The following CDH4 variants were observed in gnomAD, a reference collection of about 807,000 sequenced individuals.
CDH4 encodes cadherin-4.
Under a neutral mutation model 86.0 loss-of-function variants are expected in CDH4, and 33 were observed. The ratio of observed to expected loss-of-function variants is 0.38; its 90% CI spans 0.29 to 0.51. The LOEUF (loss-of-function observed/expected upper bound fraction) is 0.51. Ranked by LOEUF, CDH4 falls within the 20% of genes least tolerant of loss-of-function variation. The pLI is 0.86. For synonymous variants in CDH4, 555 were observed against 549.4 expected (o/e 1.01, Z -0.14); for missense variants, 1,114 against 1,307.4 (o/e 0.85, Z 2.28).
At chr20:61,433,713 C>T (rs1007332269) in intron 2 of CDH4, among the ~76,000 whole-genome samples, 3 of 152,104 alleles carry the variant, frequency 2.0e-5, no homozygotes, top group Non-Finnish European at 2.9e-5. Context: ...AGGCTCCCGT[C>T]GGTCCCTGAG....
chr20:61,502,753 T>C (rs1046667093), intron 2 of CDH4, among the ~76,000 whole-genome samples: 1 of 152,224 alleles, frequency 6.6e-6, no homozygotes, highest in Admixed American at 6.5e-5. Context: ...TTCTTTTTTG[T>C]TACTGGCAGA....
At chr20:61,456,029 G>A (rs2085405104) in intron 2 of CDH4, among the ~76,000 whole-genome samples, 1 of 151,730 alleles carries the variant, frequency 6.6e-6, no homozygotes, top group Admixed American at 6.6e-5. Context: ...AGAGAAGGAA[G>A]GATAGAAGGG....
At chr20:61,369,248 C>G (rs188218188) in intron 2 of CDH4, among the ~76,000 whole-genome samples, 2 of 151,722 alleles carry the variant, frequency 1.3e-5, no homozygotes, top group Non-Finnish European at 1.5e-5. Context: ...TTCAGGAGTT[C>G]GGGACCAGCC....
chr20:61,360,838 G>T (rs1304885956), intron 2 of CDH4, among the ~76,000 whole-genome samples: 1 of 152,158 alleles, frequency 6.6e-6, no homozygotes, highest in Non-Finnish European at 1.5e-5. Flanking sequence ...GTAACTAAGG[G>T]CTGTATACTT....
At chr20:61,783,971 CG>C (rs1978713533) in intron 4 of CDH4, among the ~76,000 whole-genome samples, 2 of 8,774 alleles carry the variant, frequency 2.3e-4, no homozygotes, top group Admixed American at 8.8e-4. Context: ...GGACAGTTCT[CG>C]AGGCCCTCAG....
In CDH4 at chr20:61,252,659, C is replaced by T. The variant is rs2084068949; in HGVS notation, c.57+89C>T. 2 of 764,080 alleles carry T rather than the reference C, an allele frequency of 2.6e-6. No homozygotes were observed. The highest frequency in any genetic ancestry group is 4.8e-5 in the Admixed American group (1 of 20,952). 47.3% of individuals were successfully genotyped at this position (764,080 alleles called of 1,614,324 possible). A position where few individuals can be genotyped will look rare whatever the true frequency, so the allele number is the denominator to read the frequency against. On this transcript the variant is annotated intron_variant, in intron 1 of 15. Coordinates refer to ENST00000614565, the MANE Select transcript of CDH4 (RefSeq NM_001794.5). The surrounding 1 kb of genome is among the most constrained non-coding windows in gnomAD (Gnocchi z 4.4). ...TCCCGCGGGGCGCTCACACACCCGG[C>T]GGGGCTCTCCCGGGCTCCCCCGCCG... is the stretch of plus-strand genomic sequence containing the variant.
intron 2 of CDH4, among the ~76,000 whole-genome samples, chr20:61,609,306 G>T (rs111991127): frequency 5.1e-4 from 77 of 152,296 alleles, no homozygotes; most frequent in African/African-American, 1.8e-3. Flanking sequence ...TCCTGTTGCA[G>T]AATCCCCTCC....
At chr20:61,839,856 GTGTT>G (rs1288003762) in intron 4 of CDH4, among the ~76,000 whole-genome samples, 5 of 151,794 alleles carry the variant, frequency 3.3e-5, no homozygotes, top group African/African-American at 7.2e-5. Flanking sequence ...ATGTGTATGT[GTGTT>G]TGTGTATTGT....
intron 2 of CDH4, among the ~76,000 whole-genome samples, chr20:61,514,877 C>G (rs1318674601): frequency 6.6e-6 from 1 of 152,168 alleles, no homozygotes; most frequent in Admixed American, 6.5e-5. Context: ...CTACAAAAGG[C>G]ACCTGGGCGG....
chr20:61,644,442 C>T (rs977682610), intron 2 of CDH4, among the ~76,000 whole-genome samples: 6 of 152,210 alleles, frequency 3.9e-5, no homozygotes, highest in African/African-American at 1.4e-4. Context: ...GCTCTACCAT[C>T]CTGCCTTGGC....
chr20:61,457,254 A>T (rs2085411917), intron 2 of CDH4, among the ~76,000 whole-genome samples: 1 of 152,188 alleles, frequency 6.6e-6, no homozygotes, highest in Non-Finnish European at 1.5e-5. Flanking sequence ...CAACATCCCC[A>T]GTCACTTTCT....
intron 2 of CDH4, among the ~76,000 whole-genome samples, chr20:61,583,701 T>C (rs992488011): frequency 2.0e-5 from 3 of 152,224 alleles, no homozygotes; most frequent in Admixed American, 6.5e-5. Context: ...TCGTTTAACA[T>C]GTAGGGGTTA....
chr20:61,404,866 C>T (rs1188988074), intron 2 of CDH4, among the ~76,000 whole-genome samples: 2 of 151,842 alleles, frequency 1.3e-5, no homozygotes, highest in South Asian at 4.2e-4. Flanking sequence ...CTGGCTAACA[C>T]GGTGAAACCC....
chr20:61,360,916 G>A (rs555380049), intron 2 of CDH4, among the ~76,000 whole-genome samples: 2 of 152,266 alleles, frequency 1.3e-5, no homozygotes, highest in South Asian at 2.1e-4. Flanking sequence ...CCATTTCCAC[G>A]GAGAGGCAAA....
chr20:61,677,772 T>TAGAC (rs2087460701), intron 2 of CDH4, among the ~76,000 whole-genome samples: 1 of 89,276 alleles, frequency 1.1e-5, no homozygotes, highest in African/African-American at 4.4e-5. Context: ...GATGGTTAGA[T>TAGAC]AGATGATGAA....
In CDH4 at chr20:61,754,703, CCACACACACCG is replaced by C. The variant is rs1441281996; in HGVS notation, c.396+10924_396+10934del. The stretch of plus-strand genomic sequence containing the variant: ...ATGCACACCACACACACAGTGCATG[CCACACACACCG>C]CACACACACTGCACGCCCCGCACAC... On this transcript the variant is annotated intron_variant, in intron 3 of 15. Coordinates refer to ENST00000614565, the MANE Select transcript of CDH4 (RefSeq NM_001794.5). The surrounding 1 kb of genome is among the most constrained non-coding windows in gnomAD (Gnocchi z 4.7). Among the ~76,000 whole-genome samples, 434 of 149,254 alleles carry C rather than the reference CCACACACACCG, an allele frequency of 2.9e-3. 7 individuals carry two copies. The highest frequency in any genetic ancestry group is 7.9e-4 in the Non-Finnish European group (53 of 67,238).
In CDH4 at chr20:61,681,567, G is replaced by T. The variant is rs769128352; in HGVS notation, c.170-61996G>T. Among the ~76,000 whole-genome samples, 2 of 152,138 alleles carry T rather than the reference G, an allele frequency of 1.3e-5. No homozygotes were observed. The highest frequency in any genetic ancestry group is 1.5e-5 in the Non-Finnish European group (1 of 68,028). ...TTAGCTCCCGAACTCTTGTTCCAAGGGGTAGGAGAAAAAGGGGGCATCATC... is the reference window on the plus strand; with the variant it reads ...TTAGCTCCCGAACTCTTGTTCCAAGTGGTAGGAGAAAAAGGGGGCATCATC... On this transcript the variant is annotated intron_variant, in intron 2 of 15. Coordinates refer to ENST00000614565, the MANE Select transcript of CDH4 (RefSeq NM_001794.5). This position sits in a 1 kb window ranked among gnomAD's most constrained non-coding sequence, Gnocchi z 4.5.
At chr20:61,812,934 A>G (rs1205876763) in intron 4 of CDH4, among the ~76,000 whole-genome samples, 1 of 152,170 alleles carries the variant, frequency 6.6e-6, no homozygotes, top group African/African-American at 2.4e-5. Flanking sequence ...CCCTAACATG[A>G]TGACCAAATG....
At chr20:61,933,437 G>T (rs73313558) in intron 14 of CDH4, among the ~76,000 whole-genome samples, 1 of 152,220 alleles carries the variant, frequency 6.6e-6, no homozygotes, top group African/African-American at 2.4e-5. Flanking sequence ...ATGCCCACTC[G>T]CGGATGCTGC....
Sources: allele counts gnomAD v4.1 joint callset (sites outside exome capture counted in the v4.1 genomes callset), GRCh38; gene constraint gnomAD v4.1.1; non-coding constraint Gnocchi (gnomAD v3.1); transcripts MANE v1.5; gene names NCBI Gene and HGNC (gene_info 2026-07-23, HGNC 2026-07-21).